Variants in SGCD observed in about 807,000 individuals in gnomAD.
The protein encoded by SGCD is delta-sarcoglycan.
A neutral mutation model predicts 36.6 loss-of-function variants in SGCD; 18 were observed. The observed-to-expected ratio is 0.49, with a 90% CI of 0.34 to 0.73. The LOEUF (loss-of-function observed/expected upper bound fraction) is 0.73. Ranked by LOEUF, SGCD falls within the 30% of genes least tolerant of loss-of-function variation. The probability of loss-of-function intolerance (pLI) is 0.01; values close to 1 mark genes in which losing one functional copy is unlikely to be tolerated. For missense variants in SGCD, 387 were observed against 346.7 expected, an observed-to-expected ratio of 1.12 and a Z score of -0.92; for synonymous variants, 133 against 130.6, an observed-to-expected ratio of 1.02 and a Z score of -0.12.
intron 3 of SGCD, among the ~76,000 whole-genome samples, chr5:156,497,644 T>TCA (rs200511711): frequency 0.042 from 5,887 of 141,532 alleles, 144 homozygotes; most frequent in Admixed American, 0.064. Flanking sequence ...TCTCTCTCTC[T>TCA]CACACACACA....
intron 3 of SGCD, among the ~76,000 whole-genome samples, chr5:156,300,370 T>A (rs1009628648): frequency 6.6e-6 from 1 of 152,104 alleles, no homozygotes. Flanking sequence ...AATCTCTTCA[T>A]TGACCCACTC....
intron 1 of SGCD, among the ~76,000 whole-genome samples, chr5:156,014,995 T>C (rs1318314877): frequency 6.6e-6 from 1 of 152,176 alleles, no homozygotes; most frequent in East Asian, 1.9e-4. Context: ...TCGTAGATAT[T>C]GCTAATTGTG....
At chr5:156,728,473 T>A (rs1755886838) in intron 7 of SGCD, among the ~76,000 whole-genome samples, 1 of 113,724 alleles carries the variant, frequency 8.8e-6, no homozygotes, top group Non-Finnish European at 1.6e-5. Context: ...TTTGCGCCAC[T>A]GCACTCCAGC....
the SGCD span, among the ~76,000 whole-genome samples, chr5:155,778,893 G>C: frequency 2.0e-5 from 3 of 152,136 alleles, no homozygotes; most frequent in Non-Finnish European, 4.4e-5. Flanking sequence ...ACTCAAAAAT[G>C]AATTACTTCT....
At chr5:155,738,732 G>A in the SGCD span, among the ~76,000 whole-genome samples, 1 of 150,468 alleles carries the variant, frequency 6.6e-6, no homozygotes. Flanking sequence ...GTGTGTGTGA[G>A]AGAGTGTGTG....
chr5:156,115,408 A>G (rs1329264356), intron 1 of SGCD, among the ~76,000 whole-genome samples: 2 of 151,934 alleles, frequency 1.3e-5, no homozygotes, highest in African/African-American at 4.8e-5. Context: ...CCATAAGCAA[A>G]CCTCAAAGGT....
the SGCD span, among the ~76,000 whole-genome samples, chr5:155,799,077 G>T: frequency 4.6e-5 from 7 of 151,936 alleles, no homozygotes; most frequent in African/African-American, 1.7e-4. Context: ...CCTCATTATT[G>T]TCCAAGGGAC....
At chr5:156,091,196 C>A (rs1761233043) in intron 1 of SGCD, among the ~76,000 whole-genome samples, 1 of 152,148 alleles carries the variant, frequency 6.6e-6, no homozygotes, top group Non-Finnish European at 1.5e-5. Context: ...AATTTATGTT[C>A]AGAGATTGCA....
chr5:156,259,163 T>G (rs1370200827), intron 3 of SGCD, among the ~76,000 whole-genome samples: 1 of 146,022 alleles, frequency 6.8e-6, no homozygotes, highest in Non-Finnish European at 1.5e-5. Context: ...TTAACCATCC[T>G]TGAGGGTGTG....
At chr5:156,293,205 G>T (rs551677723) in intron 3 of SGCD, among the ~76,000 whole-genome samples, 1 of 152,168 alleles carries the variant, frequency 6.6e-6, no homozygotes, top group Admixed American at 6.6e-5. Flanking sequence ...TTTCCAAACA[G>T]CTGAAATTAG....
At chr5:156,507,990 G>A (rs964089130) in intron 3 of SGCD, among the ~76,000 whole-genome samples, 2 of 152,106 alleles carry the variant, frequency 1.3e-5, no homozygotes, top group Non-Finnish European at 2.9e-5. Context: ...ACAAAGAAGG[G>A]GAGTGTAGGT....
At chr5:156,520,740 A>C (rs753613539) in intron 4 of SGCD, among the ~76,000 whole-genome samples, 22 of 152,198 alleles carry the variant, frequency 1.4e-4, no homozygotes, top group Non-Finnish European at 2.5e-4. Context: ...CCACACAGCC[A>C]GGCGCGGTGG....
At chr5:156,165,416 G>A (rs1763190407) in intron 3 of SGCD, among the ~76,000 whole-genome samples, 2 of 152,282 alleles carry the variant, frequency 1.3e-5, no homozygotes, top group East Asian at 1.9e-4. Flanking sequence ...GCTTAGTAAG[G>A]AAACTGTTCA....
chr5:156,551,440 A>G (rs1300776386), intron 4 of SGCD, among the ~76,000 whole-genome samples: 1 of 152,050 alleles, frequency 6.6e-6, no homozygotes, highest in Non-Finnish European at 1.5e-5. Context: ...CACTCTCACA[A>G]TCACGATCCA....
chr5:156,279,382 A>G (rs1427830118), intron 3 of SGCD, among the ~76,000 whole-genome samples: 3 of 152,196 alleles, frequency 2.0e-5, no homozygotes, highest in African/African-American at 4.8e-5. Context: ...TGTGTTAGCA[A>G]GCCTAACACT....
intron 7 of SGCD, among the ~76,000 whole-genome samples, chr5:156,737,328 T>TA (rs1303300304): frequency 6.6e-6 from 1 of 152,198 alleles, no homozygotes; most frequent in Non-Finnish European, 1.5e-5. Flanking sequence ...ACTCTGCTGC[T>TA]AGCTGAGTTA....
chr5:155,862,221 T>G, the SGCD span, among the ~76,000 whole-genome samples: 3 of 152,196 alleles, frequency 2.0e-5, no homozygotes, highest in Non-Finnish European at 4.4e-5. Context: ...TTATAGTTAC[T>G]TTTTCTAAAT....
chr5:156,356,488 A>G (rs1386954625), intron 3 of SGCD, among the ~76,000 whole-genome samples: 2 of 152,222 alleles, frequency 1.3e-5, no homozygotes, highest in Admixed American at 6.5e-5. Context: ...ATGGAAGTGC[A>G]TAGCATTGTT....
At chr5:156,334,861 A>G (rs1768261379) in intron 2 of SGCD, among the ~76,000 whole-genome samples, 1 of 152,064 alleles carries the variant, frequency 6.6e-6, no homozygotes, top group Non-Finnish European at 1.5e-5. Context: ...GCAGTGTTTC[A>G]AATGCATTTC....
Sources: gnomAD v4.1 joint callset for allele counts (sites outside exome capture counted in the v4.1 genomes callset) on GRCh38, gnomAD v4.1.1 for gene constraint, MANE v1.5 for transcripts, NCBI Gene and HGNC (gene_info 2026-07-23, HGNC 2026-07-21) for gene names.